SH2D7: variants seen among roughly 807,000 people sequenced by gnomAD.
SH2D7 encodes the protein SH2 domain containing 7.
SH2D7 carries 32 observed loss-of-function variants against 40.8 expected under a neutral mutation model. The ratio of observed to expected loss-of-function variants is 0.78; its 90% CI spans 0.59 to 1.05. The LOEUF is 1.05. Among genes scored for constraint, SH2D7 ranks in the 50% least tolerant of loss-of-function variants. SH2D7 has a pLI of 0.00. For synonymous variants in SH2D7, 195 were observed against 221.5 expected, an observed-to-expected ratio of 0.88 and a Z score of 1.06; for missense variants, 559 against 566.6, an observed-to-expected ratio of 0.99 and a Z score of 0.14.
At chr15:78,095,118 G>A (rs191767385) in intron 2 of SH2D7, among the ~76,000 whole-genome samples, 165 of 152,270 alleles carry the variant, frequency 1.1e-3, no homozygotes, top group Non-Finnish European at 2.0e-3. Context: ...CTGTTCCCCC[G>A]TTTCCTCATC....
At position 78,092,767 on chromosome 15, in the gene SH2D7, C is replaced by A; in HGVS notation, c.176+7C>A. 1 of 1,604,034 alleles carries A rather than the reference C, an allele frequency of 6.2e-7. No individual in the cohort carries two copies. On this transcript the variant is annotated splice_region_variant and intron_variant, in intron 1 of 5. Coordinates refer to ENST00000328828, the MANE Select transcript of SH2D7 (RefSeq NM_001101404.2). ...ATGGATTCATCACCCGCAAGTAAGG[C>A]TGCTTCTACCCACAGGTCCCTCATA...
At chr15:78,090,236 G>A (rs1192222128), upstream of SH2D7, among the ~76,000 whole-genome samples, 1 of 152,022 alleles carries the variant, frequency 6.6e-6, no homozygotes, top group East Asian at 1.9e-4. Context: ...GTAAAACCCC[G>A]TCTCTACTAA....
At chr15:78,097,223 T>G (rs1319704314) in intron 2 of SH2D7, among the ~76,000 whole-genome samples, 1 of 152,178 alleles carries the variant, frequency 6.6e-6, no homozygotes, top group East Asian at 1.9e-4. Context: ...ATTGACTGGA[T>G]GGGAGCGCAA....
rs547887183 is a variant in SH2D7, at chr15:78,097,625, T to C, written c.267-304T>C. Among the ~76,000 whole-genome samples, 729 of 152,300 alleles carry C rather than the reference T, an allele frequency of 4.8e-3. 4 individuals are homozygous for C. Among genetic ancestry groups the C allele is most frequent in the Non-Finnish European group, 8.4e-3 (573 of 68,026 alleles). On this transcript the variant is annotated intron_variant, in intron 2 of 5. Transcript: ENST00000328828. ...GAGTTTTTTGGTGCCCCTTTAAATTTCGCACCTAAGATGAGTGCCTCACTT... is the reference window on the plus strand; with the variant it reads ...GAGTTTTTTGGTGCCCCTTTAAATTCCGCACCTAAGATGAGTGCCTCACTT...
intron 4 of SH2D7, 46 bp downstream of exon 4, chr15:78,098,642 G>A (rs774611371): frequency 2.2e-5 from 35 of 1,577,768 alleles, no homozygotes; most frequent in Non-Finnish European, 2.9e-5. Flanking sequence ...GCCAGACCAG[G>A]GATGTGGGTG....
At chr15:78,102,045 A>G (rs1218453163) in intron 5 of SH2D7, among the ~76,000 whole-genome samples, 1 of 152,106 alleles carries the variant, frequency 6.6e-6, no homozygotes, top group Non-Finnish European at 1.5e-5. Context: ...TGAGCTTGGG[A>G]GTTTGAGACC....
Position 78,092,614 on chromosome 15 carries a change from G to A in SH2D7, c.30G>A (p.Leu10=). The A allele has an allele frequency of 6.4e-7, 1 of 1,553,530 alleles. No homozygotes were observed. The change falls in exon 1 of 6, where the codon CTG becomes CTA. Residue 10 remains leucine, a synonymous_variant. Transcript: ENST00000328828. Reference sequence around the variant, plus strand: ...AGGACAGCCTAAAGCAGCTCAGCCTGGGGAGAGATCCTGAGGGGGCAGGGG... The same window carrying A: ...AGGACAGCCTAAAGCAGCTCAGCCTAGGGAGAGATCCTGAGGGGGCAGGGG... MEDSLKQLS[L]GRDPEGAGDS... is the part of the protein sequence containing the mutation.
chr15:78,092,448 C>A, upstream of SH2D7: 2 of 973,108 alleles, frequency 2.1e-6, no homozygotes, highest in Non-Finnish European at 1.5e-6. Flanking sequence ...AGCCACCAGC[C>A]CAGAGGTGAC....
At chr15:78,097,848 C>G (rs970082444) in intron 2 of SH2D7, 81 bp from the exon 3 acceptor site, 30 of 1,546,342 alleles carry the variant, frequency 1.9e-5, no homozygotes, top group Non-Finnish European at 2.6e-5. Flanking sequence ...TCACCTGCAC[C>G]CAGGCACAGA....
intron 2 of SH2D7, among the ~76,000 whole-genome samples, chr15:78,096,369 GC>G (rs2073972524): frequency 1.3e-5 from 2 of 152,084 alleles, no homozygotes; most frequent in Non-Finnish European, 2.9e-5. Flanking sequence ...AACCCAGAAG[GC>G]CCATAAGCAT....
At chr15:78,100,424 G>A (rs1475878902) in intron 4 of SH2D7, among the ~76,000 whole-genome samples, 2 of 152,194 alleles carry the variant, frequency 1.3e-5, no homozygotes, top group African/African-American at 2.4e-5. Context: ...TAGGCCGGGT[G>A]TGGTGGCTCA....
At position 78,101,419 on chromosome 15, in the gene SH2D7, A is replaced by C. The variant is rs1483552002; in HGVS notation, c.1166A>C (p.His389Pro). The change falls in exon 5 of 6, where the codon CAT becomes CCT. Residue 389 changes from histidine to proline, a missense_variant. Transcript: ENST00000328828. ...ACWGGPARAP[H>P]PGASPTYSPW... ...TGGGGTGGCCCAGCCAGGGCCCCAC[A>C]TCCTGGGGCCAGTCCCACATATAGC... The C allele has an allele frequency of 1.2e-6, 2 of 1,613,456 alleles. No homozygotes were observed. The highest frequency in any genetic ancestry group is 2.2e-5 in the South Asian group (2 of 91,008).
chr15:78,099,003 G>C (rs2073994641), intron 4 of SH2D7, among the ~76,000 whole-genome samples: 1 of 150,200 alleles, frequency 6.7e-6, no homozygotes, highest in African/African-American at 2.5e-5. Context: ...CATGGACTCA[G>C]AAAGATTTTT....
In SH2D7 at chr15:78,101,060, T is replaced by C; in HGVS notation, c.807T>C (p.Ala269=). 1 of 1,605,004 alleles carries C rather than the reference T, an allele frequency of 6.2e-7. No individual in the cohort carries two copies. The highest frequency in any genetic ancestry group is 8.5e-7 in the Non-Finnish European group (1 of 1,176,110). Residue 269 remains alanine, a synonymous_variant, in exon 5 of 6, where the codon GCT becomes GCC. Transcript: ENST00000328828. ...CCGGCAGGCATGGGCCAGTTCCAGC[T>C]GGCAGCCAGGCCTACTCCCCAGGCA... ...EGSGRHGPVP[A]GSQAYSPGRE...
chr15:78,092,835 G>A, intron 1 of SH2D7, 75 bp downstream of exon 1: 1 of 1,467,004 alleles, frequency 6.8e-7, no homozygotes, highest in Non-Finnish European at 9.1e-7. Context: ...TGGGAACTCT[G>A]GATCAGACTG....
chr15:78,101,852 T>C (rs2074019805), intron 5 of SH2D7, among the ~76,000 whole-genome samples: 2 of 152,168 alleles, frequency 1.3e-5, no homozygotes, highest in African/African-American at 4.8e-5. Context: ...TCTTAGCGCC[T>C]CTGGGAGCAG....
At chr15:78,094,425 G>A (rs184369493) in intron 2 of SH2D7, among the ~76,000 whole-genome samples, 191 of 152,346 alleles carry the variant, frequency 1.3e-3, no homozygotes, top group Non-Finnish European at 1.5e-3. Flanking sequence ...GGGGTTCGGG[G>A]AGGCTTCACA....
At chr15:78,100,846 G>T (rs2074009077) in intron 4 of SH2D7, 53 bp from the exon 5 acceptor site, 5 of 1,578,522 alleles carry the variant, frequency 3.2e-6, no homozygotes, top group Non-Finnish European at 4.3e-6. Context: ...TTACTGGAGG[G>T]CATCTTAGTG....
upstream of SH2D7, among the ~76,000 whole-genome samples, chr15:78,090,280 C>T (rs748992545): frequency 4.6e-5 from 7 of 152,124 alleles, no homozygotes; most frequent in East Asian, 1.9e-4. Flanking sequence ...TGGTGGCACG[C>T]GCCTGTAGTC....
Sources: gnomAD v4.1 joint callset for allele counts (sites outside exome capture counted in the v4.1 genomes callset) on GRCh38, gnomAD v4.1.1 for gene constraint, MANE v1.5 for transcripts, NCBI Gene and HGNC (gene_info 2026-07-23, HGNC 2026-07-21) for gene names.